Variants in FBXL18 observed in about 807,000 individuals in gnomAD.
The protein encoded by FBXL18 is F-box and leucine rich repeat protein 18.
In FBXL18, 36 loss-of-function variants were observed where a neutral mutation model predicts 46.0. The ratio of observed to expected loss-of-function variants is 0.78; its 90% CI spans 0.60 to 1.03. The LOEUF is 1.03. Among genes scored for constraint, FBXL18 ranks in the 50% least tolerant of loss-of-function variants. The pLI is 0.00. For synonymous variants in FBXL18, 557 were observed against 465.3 expected (o/e 1.20, Z -2.54); for missense variants, 977 against 1,004.1 (o/e 0.97, Z 0.36).
rs757192375 is a variant in FBXL18, at chr7:5,505,544, G to T, written c.105C>A (p.Ile35=). Residue 35 remains isoleucine (I), a synonymous_variant, in exon 2 of 5, where the codon ATC becomes ATA. Coordinates refer to ENST00000382368, the MANE Select transcript of FBXL18 (RefSeq NM_024963.6). The stretch of plus-strand genomic sequence containing the variant: ...GGACGTGACTCAGGATGTGAAGGAG[G>T]ATCTCATCAGAGAACCCTAGGAGGT... ...GVHLLGFSDE[I]LLHILSHVPS... 3.5e-5 allele frequency: 56 copies of T among 1,614,112 alleles called. No homozygotes were observed. The highest frequency in any genetic ancestry group is 4.6e-5 in the Non-Finnish European group (54 of 1,180,000).
chr7:5,493,838 A>C (rs1783999170), intron 3 of FBXL18, among the ~76,000 whole-genome samples: 1 of 151,876 alleles, frequency 6.6e-6, no homozygotes, highest in Admixed American at 6.6e-5. Flanking sequence ...TAATTGATTT[A>C]AGCAGAAATT....
chr7:5,501,790 C>A lies in FBXL18; in HGVS notation c.479G>T (p.Ser160Ile). 1 of 1,564,302 alleles carries A rather than the reference C, an allele frequency of 6.4e-7. No individual in the cohort carries two copies. The highest frequency in any genetic ancestry group is 1.9e-5 in the Admixed American group (1 of 51,828). ...GGCCTTGCACTCGCTGCTCAGCTGG[C>A]TGGCGTCGAAGCCGGGGCTCACGTC... ...AIDVSPGFDA[S>I]QLSSECKATL... Residue 160 changes from serine to isoleucine, a missense_variant, in exon 3 of 5, where the codon AGC becomes ATC. By Grantham distance (142) the Ser-to-Ile change is moderately radical (BLOSUM62 -2). Transcript: ENST00000382368.
At chr7:5,463,724 ATTTATTTTTTTTTT>A (rs1490059678) in intron 4 of FBXL18, among the ~76,000 whole-genome samples, 2 of 59,672 alleles carry the variant, frequency 3.4e-5, no homozygotes, top group African/African-American at 7.3e-5. Context: ...TTATTTATTT[ATTTATTTTTTTTTT>A]TTTTTTTTTT....
Position 5,500,566 on chromosome 7 carries a change from A to C in FBXL18, c.1703T>G (p.Leu568Arg), listed in dbSNP as rs1784208580. 1 of 1,613,444 alleles carries C rather than the reference A, an allele frequency of 6.2e-7. No homozygotes were observed. The highest frequency in any genetic ancestry group is 8.5e-7 in the Non-Finnish European group (1 of 1,179,900). ...GTACACCACCTTCCCCATCATGCCC[A>C]GGTTGGCCAGCGACAGGGACCGCAA... ...QQLRSLSLAN[L>R]GMMGKVVYMP... The change falls in exon 3 of 5, where the codon CTG becomes CGG. Residue 568 changes from leucine to arginine, a missense_variant. Physicochemically the swap from Leu to Arg is moderately radical, Grantham distance 102 (BLOSUM62 -2). Transcript: ENST00000382368.
chr7:5,500,467 A>G (rs780119561), intron 3 of FBXL18, 21 bp downstream of exon 3: 1 of 1,564,606 alleles, frequency 6.4e-7, no homozygotes, highest in East Asian at 2.3e-5. Context: ...GAGGCCCGAG[A>G]GGTCCCCGCG....
intron 4 of FBXL18, among the ~76,000 whole-genome samples, chr7:5,467,157 C>T (rs1006051906): frequency 6.6e-6 from 1 of 152,156 alleles, no homozygotes; most frequent in African/African-American, 2.4e-5. Context: ...CGAGACCATC[C>T]TGGCTTACAC....
chr7:5,472,280 A>G (rs1014606193), downstream of FBXL18, among the ~76,000 whole-genome samples: 2 of 152,000 alleles, frequency 1.3e-5, no homozygotes, highest in African/African-American at 4.8e-5. Flanking sequence ...CTCCCACCCC[A>G]AGAGGTCTTC....
At chr7:5,462,734 G>A (rs1286112013) in intron 4 of FBXL18, among the ~76,000 whole-genome samples, 5 of 151,368 alleles carry the variant, frequency 3.3e-5, no homozygotes, top group Non-Finnish European at 5.9e-5. Flanking sequence ...GATGGATCAC[G>A]AGGTCAGGAG....
At chr7:5,502,135 C>G in intron 2 of FBXL18, 104 bp from the exon 3 acceptor site, 2 of 855,568 alleles carry the variant, frequency 2.3e-6, no homozygotes, top group South Asian at 1.7e-5. Flanking sequence ...GCTGCTCCAC[C>G]GGGAGGGAAG....
downstream of FBXL18, among the ~76,000 whole-genome samples, chr7:5,475,172 A>T (rs915207226): frequency 3.3e-5 from 5 of 151,588 alleles, no homozygotes; most frequent in African/African-American, 9.7e-5. The surrounding 1 kb of genome is among the most constrained non-coding windows in gnomAD (Gnocchi z 4.2). Flanking sequence ...TATTTTAAAA[A>T]TTAGCTGGGC....
rs750681821 is a variant in FBXL18, at chr7:5,501,595, G to C, written c.674C>G (p.Pro225Arg). Residue 225 changes from proline to arginine, a missense_variant, in exon 3 of 5, where the codon CCG (proline) becomes CGG (arginine). Transcript: ENST00000382368. The part of the protein sequence containing the change: ...GQLMVGQSNV[P>R]HYQNLRVFYA... Reference sequence around the variant, plus strand: ...GAAGACCCGCAGGTTCTGGTAGTGCGGCACGTTGCTCTGGCCCACCATAAG... The same window carrying C: ...GAAGACCCGCAGGTTCTGGTAGTGCCGCACGTTGCTCTGGCCCACCATAAG... 2 of 1,613,860 alleles carry C rather than the reference G, an allele frequency of 1.2e-6. No individual in the cohort carries two copies. Among genetic ancestry groups the C allele is most frequent in the Non-Finnish European group, 1.7e-6 (2 of 1,180,006 alleles).
intron 4 of FBXL18, among the ~76,000 whole-genome samples, chr7:5,454,772 C>T (rs559990046): frequency 1.4e-4 from 21 of 152,280 alleles, no homozygotes; most frequent in Non-Finnish European, 2.9e-4. Flanking sequence ...GCCCCATCAG[C>T]ACCCAGGTTG....
At chr7:5,457,935 G>T (rs1011504929) in intron 4 of FBXL18, among the ~76,000 whole-genome samples, 1 of 152,130 alleles carries the variant, frequency 6.6e-6, no homozygotes, top group East Asian at 1.9e-4. Context: ...CAGCGAGAGC[G>T]CTGCCAGCTT....
At chr7:5,500,403 G>C in intron 3 of FBXL18, 85 bp downstream of exon 3, 1 of 1,298,876 alleles carries the variant, frequency 7.7e-7, no homozygotes, top group Non-Finnish European at 1.1e-6. Context: ...TGGAGGGCAG[G>C]CCAGCCACCG....
downstream of FBXL18, among the ~76,000 whole-genome samples, chr7:5,474,713 TA>T (rs1783481735): frequency 6.7e-6 from 1 of 149,096 alleles, no homozygotes; most frequent in Non-Finnish European, 1.5e-5. Flanking sequence ...TTTATTTATT[TA>T]TTTATTTATT....
At chr7:5,485,483 A>G (rs1407006303) in intron 4 of FBXL18, among the ~76,000 whole-genome samples, 3 of 152,206 alleles carry the variant, frequency 2.0e-5, no homozygotes, top group Non-Finnish European at 4.4e-5. Context: ...GATGCTGCAG[A>G]CACATTACCC....
At chr7:5,507,852 C>T (rs946087802) in intron 1 of FBXL18, among the ~76,000 whole-genome samples, 3 of 149,326 alleles carry the variant, frequency 2.0e-5, no homozygotes, top group African/African-American at 7.4e-5. Flanking sequence ...ATTAGCAAGA[C>T]AGGCTGGGCA....
At chr7:5,498,206 G>GC (rs2128236932) in intron 3 of FBXL18, among the ~76,000 whole-genome samples, 1 of 151,074 alleles carries the variant, frequency 6.6e-6, no homozygotes, top group South Asian at 2.1e-4. Flanking sequence ...TCCTGCCTCA[G>GC]CCTCCTAAGC....
chr7:5,502,025 C>T lies in FBXL18; in HGVS notation c.244G>A (p.Glu82Lys). 1 of 1,588,156 alleles carries T rather than the reference C, an allele frequency of 6.3e-7. No individual in the cohort carries two copies. The highest frequency in any genetic ancestry group is 8.6e-7 in the Non-Finnish European group (1 of 1,166,860). The change falls in exon 3 of 5, where the codon GAG becomes AAG. Residue 82 changes from glutamate (E) to lysine (K), a missense_variant. Physicochemically the swap from Glu to Lys is moderately conservative, Grantham distance 56. Coordinates refer to ENST00000382368, the MANE Select transcript of FBXL18 (RefSeq NM_024963.6). ...TTCACCAGCTGCCTCACTTTGTCCT[C>T]GCTCGCCTGCGGGACAGAGGCAGGG... Reference protein sequence around the residue: ...VLLQKDYQASEDKVRQLVKEI... With the variant: ...VLLQKDYQASKDKVRQLVKEI...
Sources: allele counts gnomAD v4.1 joint callset (sites outside exome capture counted in the v4.1 genomes callset), GRCh38; gene constraint gnomAD v4.1.1; non-coding constraint Gnocchi (gnomAD v3.1); transcripts MANE v1.5; gene names NCBI Gene and HGNC (gene_info 2026-07-23, HGNC 2026-07-21).